Variants in CAP2 observed in about 807,000 individuals in gnomAD.
CAP2 encodes the protein cyclase associated actin cytoskeleton regulatory protein 2, also known as adenylyl cyclase-associated protein 2.
CAP2 carries 24 observed loss-of-function variants against 57.7 expected under a neutral mutation model. The ratio of observed to expected loss-of-function variants is 0.42; its 90% confidence interval spans 0.30 to 0.58. The LOEUF (loss-of-function observed/expected upper bound fraction) is 0.58. Among genes scored for constraint, CAP2 ranks in the 20% least tolerant of loss-of-function variants. The probability of loss-of-function intolerance (pLI) is 0.22; values close to 1 mark genes in which losing one functional copy is unlikely to be tolerated. For missense variants in CAP2, 501 were observed against 590.3 expected (o/e 0.85, Z 1.57); for synonymous variants, 194 against 207.2 (o/e 0.94, Z 0.55).
chr6:17,545,830 A>C (rs1763031522), intron 11 of CAP2, among the ~76,000 whole-genome samples: 1 of 152,090 alleles, frequency 6.6e-6, no homozygotes, highest in South Asian at 2.1e-4. Flanking sequence ...GCTGAGAATG[A>C]TGGTTTCCAG....
intron 11 of CAP2, among the ~76,000 whole-genome samples, chr6:17,548,782 C>A (rs767644070): frequency 1.3e-5 from 2 of 152,050 alleles, no homozygotes; most frequent in African/African-American, 4.8e-5. Context: ...AGCAGACTAG[C>A]GAGCCCTGAA....
intron 9 of CAP2, among the ~76,000 whole-genome samples, chr6:17,541,800 T>C (rs538547689): frequency 1.3e-5 from 2 of 152,362 alleles, no homozygotes; most frequent in East Asian, 1.9e-4. Flanking sequence ...CAAGGTGAAG[T>C]GACAGAGGCA....
chr6:17,542,708 A>G (rs1762933724), intron 9 of CAP2, 129 bp from the exon 10 acceptor site: 2 of 751,020 alleles, frequency 2.7e-6, no homozygotes, highest in Non-Finnish European at 4.4e-6. Context: ...GGTTTCATCT[A>G]TAAGGAGATG....
chr6:17,496,017 C>T (rs1014030021), intron 4 of CAP2, among the ~76,000 whole-genome samples: 2 of 13,438 alleles, frequency 1.5e-4, no homozygotes, highest in African/African-American at 4.0e-4. Flanking sequence ...GCTGTGCATG[C>T]GTGTGTGGGT....
chr6:17,551,829 C>T (rs1763178306), intron 12 of CAP2, among the ~76,000 whole-genome samples: 1 of 152,170 alleles, frequency 6.6e-6, no homozygotes, highest in Non-Finnish European at 1.5e-5. Context: ...ACTAATAATT[C>T]ATTTAATGGA....
chr6:17,547,811 A>G (rs376517541), intron 11 of CAP2, among the ~76,000 whole-genome samples: 1 of 150,130 alleles, frequency 6.7e-6, no homozygotes, highest in Admixed American at 6.7e-5. Context: ...ACTGCACTTC[A>G]GCCTGGGCAA....
chr6:17,507,182 C>T lies in CAP2; in HGVS notation c.314C>T (p.Ala105Val). The T allele has an allele frequency of 2.5e-6, 4 of 1,614,174 alleles. No individual in the cohort carries two copies. Among genetic ancestry groups the T allele is most frequent in the Non-Finnish European group, 2.5e-6 (3 of 1,180,026 alleles). The change falls in exon 5 of 13, where the codon GCA becomes GTA. Residue 105 changes from alanine to valine, a missense_variant. Coordinates refer to ENST00000229922, the MANE Select transcript of CAP2 (RefSeq NM_006366.3). ...GACTGCTTACAGAATGACGTGGCCGCACTTCTGAAACCCATATCGGAAAAG... is the reference window on the plus strand; with the variant it reads ...GACTGCTTACAGAATGACGTGGCCGTACTTCTGAAACCCATATCGGAAAAG... ...YQQPHENDVA[A>V]LLKPISEKIQ...
At chr6:17,433,270 G>A (rs1382515679) in intron 3 of CAP2, among the ~76,000 whole-genome samples, 4 of 152,150 alleles carry the variant, frequency 2.6e-5, no homozygotes, top group Non-Finnish European at 4.4e-5. Context: ...ACAGAACACC[G>A]AAGATAAAAC....
chr6:17,453,652 G>A (rs1315638780), intron 3 of CAP2, among the ~76,000 whole-genome samples: 1 of 152,196 alleles, frequency 6.6e-6, no homozygotes, highest in African/African-American at 2.4e-5. Context: ...CTTTAGGGAT[G>A]GAGAGTGTCA....
At chr6:17,523,495 A>G (rs764006174) in intron 7 of CAP2, among the ~76,000 whole-genome samples, 100 of 152,350 alleles carry the variant, frequency 6.6e-4, no homozygotes, top group Non-Finnish European at 1.1e-3. Context: ...TCATCTACCT[A>G]GAAAAGACCG....
intron 7 of CAP2, among the ~76,000 whole-genome samples, chr6:17,517,902 AAAATAAAT>A (rs150089656): frequency 6.6e-6 from 1 of 151,982 alleles, no homozygotes; most frequent in Non-Finnish European, 1.5e-5. Context: ...ACTTGGTCTC[AAAATAAAT>A]AAATAAATAA....
intron 1 of CAP2, among the ~76,000 whole-genome samples, chr6:17,412,846 G>A (rs1044191241): frequency 1.3e-5 from 2 of 152,166 alleles, no homozygotes; most frequent in African/African-American, 4.8e-5. Context: ...ATGTGGTTTC[G>A]ATAGTCGATG....
intron 4 of CAP2, among the ~76,000 whole-genome samples, chr6:17,499,162 G>T (rs749059676): frequency 2.0e-5 from 3 of 151,318 alleles, no homozygotes; most frequent in African/African-American, 4.9e-5. Context: ...AATTTTAGAG[G>T]CTGAACCGGG....
In CAP2 at chr6:17,539,502, T is replaced by G. The variant is rs749150399; in HGVS notation, c.826+44T>G. 45 of 1,508,970 alleles carry G rather than the reference T, an allele frequency of 3.0e-5. 1 individual carries two copies. The South Asian group carries it at 4.9e-4, about 17-fold the overall frequency. 93.5% of individuals were successfully genotyped at this position (1,508,970 alleles called of 1,614,324 possible). ...CCTTGAAGCTGCCTCCCTTTCCCTCTGGCTCCCAGACACAAAAGAGCCGCT... is the reference window on the plus strand; with the variant it reads ...CCTTGAAGCTGCCTCCCTTTCCCTCGGGCTCCCAGACACAAAAGAGCCGCT... On this transcript the variant is annotated intron_variant, in intron 8 of 12. Transcript: ENST00000229922.
At chr6:17,446,026 A>G (rs1760248341) in intron 3 of CAP2, among the ~76,000 whole-genome samples, 3 of 152,212 alleles carry the variant, frequency 2.0e-5, no homozygotes, top group South Asian at 2.1e-4. Flanking sequence ...GACTTGTACT[A>G]TACTTCGTAT....
intron 7 of CAP2, among the ~76,000 whole-genome samples, chr6:17,528,247 A>G (rs1762557819): frequency 1.3e-5 from 2 of 152,238 alleles, no homozygotes; most frequent in South Asian, 4.1e-4. Context: ...TGCATATTTG[A>G]CTATTACAAT....
At chr6:17,477,570 C>A (rs1761182818) in intron 4 of CAP2, among the ~76,000 whole-genome samples, 1 of 152,154 alleles carries the variant, frequency 6.6e-6, no homozygotes. Flanking sequence ...GGAAAGTCAA[C>A]CCTAATTACT....
chr6:17,491,628 C>T (rs892635011), intron 4 of CAP2, among the ~76,000 whole-genome samples: 8 of 152,114 alleles, frequency 5.3e-5, no homozygotes, highest in South Asian at 2.1e-4. Flanking sequence ...TTTCCTGTTC[C>T]GAAGCCAATG....
chr6:17,544,664 T>A (rs141434244), intron 11 of CAP2, among the ~76,000 whole-genome samples: 272 of 152,236 alleles, frequency 1.8e-3, no homozygotes, highest in African/African-American at 6.1e-3. Flanking sequence ...GATTCTCATA[T>A]GCCTCAGCCC....
Sources: gnomAD v4.1 joint callset for allele counts (sites outside exome capture counted in the v4.1 genomes callset) on GRCh38, gnomAD v4.1.1 for gene constraint, MANE v1.5 for transcripts, NCBI Gene and HGNC (gene_info 2026-07-23, HGNC 2026-07-21) for gene names.